Variants in TNC observed in about 807,000 individuals in gnomAD.
TNC encodes the protein tenascin C.
Under a neutral mutation model 202.4 loss-of-function variants are expected in TNC, and 109 were observed. The observed-to-expected ratio is 0.54, with a 90% CI of 0.46 to 0.63. TNC has a LOEUF of 0.63. Among genes scored for constraint, TNC ranks in the 30% least tolerant of loss-of-function variants. The pLI, the probability that TNC is intolerant of heterozygous loss-of-function variation, is 0.00. For synonymous variants in TNC, 1,007 were observed against 1,089.7 expected (o/e 0.92, Z 1.50); for missense variants, 2,756 against 2,833.3 (o/e 0.97, Z 0.62).
rs988322507 is a variant in TNC, at chr9:115,077,869, C to T, written c.2674+74G>A. The T allele has an allele frequency of 2.0e-6, 3 of 1,494,074 alleles. No homozygotes were observed. In the African/African-American group the frequency reaches 4.2e-5, roughly 21 times the overall value. The allele number at this position is 1,494,074 out of a possible 1,614,324, so 92.6% of individuals were successfully genotyped here. A position where few individuals can be genotyped will look rare whatever the true frequency, so the allele number is the denominator to read the frequency against. ...TACTGTAAAATGAGCCTGGAAGATA[C>T]CCCAACATGGAGTGGGATGGAAATC... is the stretch of plus-strand genomic sequence containing the variant. On this transcript the variant is annotated intron_variant, in intron 7 of 27. Transcript: ENST00000350763.
At chr9:115,110,006 G>A (rs180781554) in intron 1 of TNC, among the ~76,000 whole-genome samples, 1 of 152,142 alleles carries the variant, frequency 6.6e-6, no homozygotes, top group Non-Finnish European at 1.5e-5. Flanking sequence ...GAACTATATT[G>A]TCAAGAGGGG....
chr9:115,040,797 T>A, intron 19 of TNC, 144 bp downstream of exon 19: 1 of 1,110,284 alleles, frequency 9.0e-7, no homozygotes, highest in African/African-American at 1.6e-5. Context: ...CACTTTCCAC[T>A]AGGATCTCAT....
At chr9:115,100,750 G>A (rs962307853) in intron 1 of TNC, among the ~76,000 whole-genome samples, 1 of 152,064 alleles carries the variant, frequency 6.6e-6, no homozygotes, top group South Asian at 2.1e-4. Context: ...GACACACAGA[G>A]GTAACTATGT....
intron 10 of TNC, among the ~76,000 whole-genome samples, chr9:115,065,667 C>T (rs998636523): frequency 5.3e-5 from 8 of 151,634 alleles, no homozygotes; most frequent in African/African-American, 1.9e-4. Context: ...TTTGAGAGGC[C>T]AAGGTGGGCA....
chr9:115,026,435 C>T (rs1355303635), intron 26 of TNC, 99 bp downstream of exon 26: 26 of 1,298,644 alleles, frequency 2.0e-5, no homozygotes, highest in Admixed American at 1.3e-4. Context: ...TAATAAATTG[C>T]TGGATTAATG....
chr9:115,051,712 G>A (rs912999242), intron 15 of TNC, among the ~76,000 whole-genome samples: 6 of 151,740 alleles, frequency 4.0e-5, no homozygotes, highest in Admixed American at 1.3e-4. Context: ...TATGAACTGC[G>A]TTACCTAGCA....
At position 115,086,150 on chromosome 9, in the gene TNC, A is replaced by C; in HGVS notation, c.1581T>G (p.Cys527Trp). The change falls in exon 3 of 28, where the codon TGT becomes TGG. Residue 527 changes from cysteine (C) to tryptophan (W), a missense_variant. Coordinates refer to ENST00000350763, the MANE Select transcript of TNC (RefSeq NM_002160.4). Reference sequence around the variant, plus strand: ...AGTCATTTGGACAGGAGAGTTCTGCACAGTCAGGGCCGGTGAAGCCGTCCT... The same window carrying C: ...AGTCATTTGGACAGGAGAGTTCTGCCCAGTCAGGGCCGGTGAAGCCGTCCT... ...VCEDGFTGPDCAELSCPNDCH... is the reference protein window; with the variant it reads ...VCEDGFTGPDWAELSCPNDCH... The C allele has an allele frequency of 6.2e-7, 1 of 1,614,026 alleles. No individual in the cohort carries two copies. Among genetic ancestry groups the C allele is most frequent in the Non-Finnish European group, 8.5e-7 (1 of 1,179,926 alleles).
At chr9:115,054,979 T>C (rs947588765) in intron 15 of TNC, among the ~76,000 whole-genome samples, 1 of 152,214 alleles carries the variant, frequency 6.6e-6, no homozygotes, top group South Asian at 2.1e-4. Context: ...ATTCTTGGGT[T>C]GTGATTCAGA....
intron 17 of TNC, among the ~76,000 whole-genome samples, chr9:115,046,104 G>A (rs547462559): frequency 6.6e-6 from 1 of 152,218 alleles, no homozygotes; most frequent in Admixed American, 6.5e-5. Context: ...TAACGATGAT[G>A]ATGCATTAAT....
chr9:115,109,357 T>C (rs1208392631), intron 1 of TNC, among the ~76,000 whole-genome samples: 1 of 152,244 alleles, frequency 6.6e-6, no homozygotes, highest in East Asian at 1.9e-4. Context: ...GCTTTTAATA[T>C]GGATAAGAAG....
At chr9:115,033,322 G>A (rs758746897) in intron 22 of TNC, among the ~76,000 whole-genome samples, 1 of 152,118 alleles carries the variant, frequency 6.6e-6, no homozygotes, top group Non-Finnish European at 1.5e-5. Context: ...CAGCCCCCCA[G>A]TTCTAGTCCC....
rs755441251 is a variant in TNC, at chr9:115,062,906, G to A, written c.4033+11C>T. 1.9e-6 allele frequency: 3 copies of A among 1,603,424 alleles called. No homozygotes were observed. The African/African-American group carries it at 4.0e-5, about 21-fold the overall frequency. ...CTATCATGTCTCCAGTCTGGGAGGAGGGTCATATACCTGTGACGACCTCTA... is the reference window on the plus strand; with the variant it reads ...CTATCATGTCTCCAGTCTGGGAGGAAGGTCATATACCTGTGACGACCTCTA... On this transcript the variant is annotated intron_variant, in intron 13 of 27. Transcript: ENST00000350763.
intron 26 of TNC, among the ~76,000 whole-genome samples, chr9:115,025,721 T>C (rs535623484): frequency 6.6e-6 from 1 of 152,344 alleles, no homozygotes; most frequent in African/African-American, 2.4e-5. Flanking sequence ...TTATGAGGAA[T>C]AAATAAGATG....
At position 115,034,276 on chromosome 9, in the gene TNC, C is replaced by T. The variant is rs117816361; in HGVS notation, c.5787+928G>A. On this transcript the variant is annotated intron_variant, in intron 22 of 27. Transcript: ENST00000350763. ...TTTTATGGCACTGTTATTTGGGGGT[C>T]CCCCAAGAAAACTGTGGGTACTTGC... Among the ~76,000 whole-genome samples the T allele has an allele frequency of 9.9e-3, 1,506 of 152,302 alleles. 9 individuals carry two copies. Among genetic ancestry groups the T allele is most frequent in the Non-Finnish European group, 0.017 (1,149 of 68,020 alleles).
intron 17 of TNC, among the ~76,000 whole-genome samples, chr9:115,046,071 TA>T (rs1554796020): frequency 0.085 from 9,979 of 117,838 alleles, 383 homozygotes; most frequent in Middle Eastern, 0.18. Context: ...CTTTGGAACG[TA>T]AAAAAAAAAA....
At chr9:115,049,272 TA>T (rs1159929602) in intron 15 of TNC, among the ~76,000 whole-genome samples, 1 of 152,188 alleles carries the variant, frequency 6.6e-6, no homozygotes, top group East Asian at 1.9e-4. Context: ...TCTCAGGTGC[TA>T]AAGGGCCTTT....
intron 22 of TNC, among the ~76,000 whole-genome samples, chr9:115,034,189 A>G (rs999892390): frequency 1.1e-4 from 17 of 152,224 alleles, no homozygotes; most frequent in African/African-American, 3.6e-4. Flanking sequence ...GCCTTCAAGG[A>G]GGCCGAGGTG....
intron 25 of TNC, among the ~76,000 whole-genome samples, chr9:115,028,365 G>C (rs181742921): frequency 2.0e-5 from 3 of 152,214 alleles, no homozygotes; most frequent in Admixed American, 2.0e-4. Context: ...TGCCCACCCG[G>C]TGGCAATTGA....
chr9:115,077,275 C>T (rs935198265), intron 7 of TNC, among the ~76,000 whole-genome samples: 1 of 151,898 alleles, frequency 6.6e-6, no homozygotes, highest in East Asian at 1.9e-4. Flanking sequence ...CCAGAATGGT[C>T]TCAATCTCCT....
Sources: allele counts gnomAD v4.1 joint callset (sites outside exome capture counted in the v4.1 genomes callset), GRCh38; gene constraint gnomAD v4.1.1; transcripts MANE v1.5; gene names NCBI Gene and HGNC (gene_info 2026-07-23, HGNC 2026-07-21).